Variants in RNF216 observed in about 807,000 individuals in gnomAD.
RNF216 encodes ring finger protein 216.
A neutral mutation model predicts 110.8 loss-of-function variants in RNF216; 72 were observed. The observed-to-expected ratio is 0.65, with a 90% CI of 0.54 to 0.79. RNF216 has a LOEUF of 0.79. RNF216 is among the 30% of genes least tolerant of loss of function. The probability of loss-of-function intolerance (pLI) is 0.00; values close to 1 mark genes in which losing one functional copy is unlikely to be tolerated. For missense variants in RNF216, 1,342 were observed against 1,141.2 expected, an observed-to-expected ratio of 1.18 and a Z score of -2.54; for synonymous variants, 495 against 407.5, an observed-to-expected ratio of 1.21 and a Z score of -2.59.
intron 9 of RNF216, among the ~76,000 whole-genome samples, chr7:5,720,408 G>T (rs1281892259): frequency 6.6e-6 from 1 of 152,032 alleles, no homozygotes; most frequent in Non-Finnish European, 1.5e-5. Flanking sequence ...CTTATTCTAA[G>T]AATACAGCAT....
intron 13 of RNF216, among the ~76,000 whole-genome samples, chr7:5,682,716 C>T (rs1272340785): frequency 6.6e-6 from 1 of 152,068 alleles, no homozygotes; most frequent in Admixed American, 6.5e-5. Context: ...GACATTTTTA[C>T]TTTTAAATAA....
rs1758344895 is a variant in RNF216, at chr7:5,624,863, T to G, written c.2383-738A>C. 6.6e-6 allele frequency among the ~76,000 whole-genome samples: 1 copy of G among 152,228 alleles called. No homozygotes were observed. Among genetic ancestry groups the G allele is most frequent in the Non-Finnish European group, 1.5e-5 (1 of 68,034 alleles). Reference sequence around the variant, plus strand: ...GGGCAAGCCCCAGAGGTTGGGTTTTTGCCACATGCAGCTCCCACACCCCCA... The same window carrying G: ...GGGCAAGCCCCAGAGGTTGGGTTTTGGCCACATGCAGCTCCCACACCCCCA... On this transcript the variant is annotated intron_variant, in intron 15 of 16. Transcript: ENST00000389902. The surrounding 1 kb of genome is among the most constrained non-coding windows in gnomAD (Gnocchi z 4.4).
intron 7 of RNF216, among the ~76,000 whole-genome samples, chr7:5,726,503 A>T (rs545823487): frequency 2.6e-5 from 4 of 152,098 alleles, no homozygotes; most frequent in Non-Finnish European, 4.4e-5. Context: ...ACTGGTGAGG[A>T]TCCCTTTTCT....
chr7:5,753,609 G>T (rs1296674868), intron 2 of RNF216, among the ~76,000 whole-genome samples: 3 of 152,110 alleles, frequency 2.0e-5, no homozygotes, highest in Admixed American at 2.0e-4. Flanking sequence ...TTTGAAAACA[G>T]GCCATGTTTG....
At chr7:5,743,132 G>A in intron 3 of RNF216, among the ~76,000 whole-genome samples, 1 of 151,966 alleles carries the variant, frequency 6.6e-6, no homozygotes, top group East Asian at 1.9e-4. Context: ...ATGGTGGCGT[G>A]TGCCTGCAAT....
intron 13 of RNF216, among the ~76,000 whole-genome samples, chr7:5,707,094 G>A (rs1792342491): frequency 6.6e-6 from 1 of 152,130 alleles, no homozygotes; most frequent in Non-Finnish European, 1.5e-5. Context: ...ATAAATGTGT[G>A]GATTTATTTC....
chr7:5,697,152 G>A (rs1005038246), intron 13 of RNF216, among the ~76,000 whole-genome samples: 2 of 152,116 alleles, frequency 1.3e-5, no homozygotes, highest in East Asian at 1.9e-4. Flanking sequence ...AGCTTTGCTC[G>A]TGTCATTCTC....
At chr7:5,706,127 G>C (rs1792272083) in intron 13 of RNF216, among the ~76,000 whole-genome samples, 1 of 151,426 alleles carries the variant, frequency 6.6e-6, no homozygotes, top group African/African-American at 2.4e-5. Context: ...GGCTGAGGCA[G>C]GAGAATCGCT....
chr7:5,681,424 C>G (rs1255612048), intron 13 of RNF216, among the ~76,000 whole-genome samples: 1 of 152,288 alleles, frequency 6.6e-6, no homozygotes, highest in East Asian at 1.9e-4. Context: ...TGTGGATTAC[C>G]AAGTCCCCAG....
At chr7:5,695,437 G>C (rs1486470347) in intron 13 of RNF216, among the ~76,000 whole-genome samples, 1 of 152,130 alleles carries the variant, frequency 6.6e-6, no homozygotes, top group Non-Finnish European at 1.5e-5. Flanking sequence ...TTTTCTTATG[G>C]CTGCTGCTGC....
chr7:5,767,843 T>A (rs1796284405), intron 1 of RNF216, among the ~76,000 whole-genome samples: 1 of 152,064 alleles, frequency 6.6e-6, no homozygotes, highest in South Asian at 2.1e-4. Flanking sequence ...AGGTGATGCA[T>A]TTGCTTTGGC....
At chr7:5,636,995 C>T (rs1265249243) in intron 15 of RNF216, among the ~76,000 whole-genome samples, 11 of 152,134 alleles carry the variant, frequency 7.2e-5, no homozygotes, top group Admixed American at 7.2e-4. Context: ...GAGAATAGGC[C>T]AGACTGTTAA....
chr7:5,664,095 C>A (rs993001580), intron 13 of RNF216, among the ~76,000 whole-genome samples: 1 of 152,114 alleles, frequency 6.6e-6, no homozygotes, highest in African/African-American at 2.4e-5. Flanking sequence ...GCACAAGGTG[C>A]TGAATGTCTG....
At chr7:5,721,505 T>C (rs1584510738) in intron 8 of RNF216, among the ~76,000 whole-genome samples, 1 of 152,372 alleles carries the variant, frequency 6.6e-6, no homozygotes, top group East Asian at 1.9e-4. Context: ...TGGGTTAATC[T>C]GAATAGCGCT....
intron 2 of RNF216, among the ~76,000 whole-genome samples, chr7:5,758,454 G>C (rs2128668667): frequency 6.6e-6 from 1 of 152,264 alleles, no homozygotes; most frequent in African/African-American, 2.4e-5. Flanking sequence ...GTTGACTCTT[G>C]AGCAACACTG....
At chr7:5,633,224 G>A (rs969445742) in intron 15 of RNF216, among the ~76,000 whole-genome samples, 2 of 151,712 alleles carry the variant, frequency 1.3e-5, no homozygotes, top group Non-Finnish European at 2.9e-5. Context: ...TGATCCACCC[G>A]CCTTGGCCTC....
At chr7:5,689,930 C>CAAA (rs200428847) in intron 13 of RNF216, among the ~76,000 whole-genome samples, 1 of 123,846 alleles carries the variant, frequency 8.1e-6, no homozygotes. Context: ...GACTCTGTCT[C>CAAA]AAACAAAAAA....
chr7:5,754,845 T>C (rs1485619559), intron 2 of RNF216, among the ~76,000 whole-genome samples: 1 of 151,934 alleles, frequency 6.6e-6, no homozygotes, highest in Admixed American at 6.6e-5. Flanking sequence ...CTGGCCAACA[T>C]GGTAAAACCC....
At chr7:5,643,417 G>C (rs559510314) in intron 14 of RNF216, among the ~76,000 whole-genome samples, 1 of 151,222 alleles carries the variant, frequency 6.6e-6, no homozygotes, top group African/African-American at 2.4e-5. Context: ...ATGTGCTCCC[G>C]GGGCAGGACA....
Sources: gnomAD v4.1 joint callset for allele counts (sites outside exome capture counted in the v4.1 genomes callset) on GRCh38, gnomAD v4.1.1 for gene constraint, Gnocchi (gnomAD v3.1) non-coding constraint, MANE v1.5 for transcripts, NCBI Gene and HGNC (gene_info 2026-07-23, HGNC 2026-07-21) for gene names.